GINM1: variants seen among roughly 807,000 people sequenced by gnomAD.
GINM1 encodes glycosylated integral membrane protein 1.
In GINM1, 29 loss-of-function variants were observed where a neutral mutation model predicts 37.8. That is an observed-to-expected ratio of 0.77 (90% CI 0.57 to 1.05). GINM1 has a LOEUF of 1.05. Among genes scored for constraint, GINM1 ranks in the 50% least tolerant of loss-of-function variants. The probability of loss-of-function intolerance (pLI) is 0.00; values close to 1 mark genes in which losing one functional copy is unlikely to be tolerated. For synonymous variants in GINM1, 143 were observed against 146.2 expected (o/e 0.98, Z 0.16); for missense variants, 377 against 397.9 (o/e 0.95, Z 0.45).
intron 7 of GINM1, among the ~76,000 whole-genome samples, chr6:149,585,452 G>GT (rs1429999987): frequency 1.3e-5 from 2 of 151,936 alleles, no homozygotes; most frequent in Non-Finnish European, 2.9e-5. Context: ...ATTGTTAATT[G>GT]TTCTACATTG....
intron 7 of GINM1, among the ~76,000 whole-genome samples, chr6:149,589,879 A>G (rs1259673117): frequency 6.6e-6 from 1 of 151,120 alleles, no homozygotes; most frequent in Non-Finnish European, 1.5e-5. Flanking sequence ...GCTCACTGCA[A>G]CCTCCACTTC....
chr6:149,573,507 C>G (rs1777861640), intron 3 of GINM1, among the ~76,000 whole-genome samples: 1 of 152,220 alleles, frequency 6.6e-6, no homozygotes, highest in Admixed American at 6.5e-5. Flanking sequence ...TTTATATTGG[C>G]TGCTTCTCGC....
intron 7 of GINM1, among the ~76,000 whole-genome samples, chr6:149,586,525 T>C (rs991937024): frequency 6.6e-6 from 1 of 152,180 alleles, no homozygotes; most frequent in Non-Finnish European, 1.5e-5. Flanking sequence ...TTGGAAAGAT[T>C]GACTTCATTG....
At position 149,572,362 on chromosome 6, in the gene GINM1, GT is replaced by G. The variant is rs1372897468; in HGVS notation, c.180+22del. 2 of 1,540,472 alleles carry G rather than the reference GT, an allele frequency of 1.3e-6. No homozygotes were observed. Among genetic ancestry groups the G allele is most frequent in the South Asian group, 1.2e-5 (1 of 85,318 alleles). ...AACAGCAGGTTTGTCTCCTTTTCTG[GT>G]TTTAATATATAATTTAGCTAAGTGC... On this transcript the variant is annotated intron_variant, in intron 2 of 7. Coordinates refer to ENST00000367419, the MANE Select transcript of GINM1 (RefSeq NM_138785.5).
intron 3 of GINM1, among the ~76,000 whole-genome samples, chr6:149,576,602 GA>G (rs150991023): frequency 3.3e-5 from 5 of 150,308 alleles, no homozygotes; most frequent in Non-Finnish European, 5.9e-5. Flanking sequence ...AACAAAAAAA[GA>G]AAAAAAAATC....
At position 149,566,528 on chromosome 6, in the gene GINM1, C is replaced by A; in HGVS notation, c.114C>A (p.Ala38=). The A allele has an allele frequency of 6.6e-7, 1 of 1,523,478 alleles. No individual in the cohort carries two copies. Among genetic ancestry groups the A allele is most frequent in the Non-Finnish European group, 8.7e-7 (1 of 1,142,976 alleles). The allele number at this position is 1,523,478 out of a possible 1,614,324, so 94.4% of individuals were successfully genotyped here. ...GAPEPPPLSG[A]PQDGIRINVT... is the part of the protein sequence containing the mutation. ...CCGAGCCGCCGCCGCTGTCCGGAGCCCCACAGGTAGGGCAGGGCGGGCCTG... is the reference window on the plus strand; with the variant it reads ...CCGAGCCGCCGCCGCTGTCCGGAGCACCACAGGTAGGGCAGGGCGGGCCTG... The change falls in exon 1 of 8, where the codon GCC becomes GCA. Residue 38 remains alanine (A), a synonymous_variant. Coordinates refer to ENST00000367419, the MANE Select transcript of GINM1 (RefSeq NM_138785.5). This position sits in a 1 kb window ranked among gnomAD's most constrained non-coding sequence, Gnocchi z 4.4.
At chr6:149,570,192 ATAT>A (rs1777796193) in intron 1 of GINM1, among the ~76,000 whole-genome samples, 2 of 93,550 alleles carry the variant, frequency 2.1e-5, no homozygotes, top group African/African-American at 3.9e-5. Context: ...ATATATATAT[ATAT>A]ATAAAGTTCA....
chr6:149,566,667 G>A lies in GINM1; in HGVS notation c.120+133G>A. The stretch of plus-strand genomic sequence containing the variant: ...GTCCGGGCCCCCGAAGGAGGTGTGG[G>A]GAGAAGCACCCCAGGAAATGGGGGC... On this transcript the variant is annotated intron_variant, in intron 1 of 7. Coordinates refer to ENST00000367419, the MANE Select transcript of GINM1 (RefSeq NM_138785.5). This position sits in a 1 kb window ranked among gnomAD's most constrained non-coding sequence, Gnocchi z 4.4. 1 of 1,225,952 alleles carries A rather than the reference G, an allele frequency of 8.2e-7. No individual in the cohort carries two copies. Among genetic ancestry groups the A allele is most frequent in the Non-Finnish European group, 1.1e-6 (1 of 936,458 alleles). The allele number at this position is 1,225,952 out of a possible 1,614,324, so 75.9% of individuals were successfully genotyped here.
intron 7 of GINM1, among the ~76,000 whole-genome samples, chr6:149,588,963 C>G (rs1017006640): frequency 1.3e-5 from 2 of 152,112 alleles, no homozygotes; most frequent in African/African-American, 4.8e-5. Context: ...CGCCACCATG[C>G]CTGGCCAATT....
At chr6:149,567,653 C>CA (rs568345945) in intron 1 of GINM1, among the ~76,000 whole-genome samples, 167 of 152,116 alleles carry the variant, frequency 1.1e-3, no homozygotes, top group African/African-American at 3.8e-3. Context: ...CAAACAAAAA[C>CA]AAAAAAACCA....
intron 7 of GINM1, among the ~76,000 whole-genome samples, chr6:149,585,944 A>G (rs1778064697): frequency 6.6e-6 from 1 of 152,206 alleles, no homozygotes; most frequent in Non-Finnish European, 1.5e-5. Flanking sequence ...GTGAGTGCCT[A>G]TAGAGCACTA....
intron 3 of GINM1, among the ~76,000 whole-genome samples, chr6:149,575,788 C>A (rs758962986): frequency 1.3e-5 from 2 of 152,292 alleles, no homozygotes; most frequent in East Asian, 1.9e-4. Flanking sequence ...AATAATAATT[C>A]TTTTGTTGTT....
In GINM1 at chr6:149,582,516, A is replaced by G; in HGVS notation, c.794A>G (p.Gln265Arg). 1 of 1,612,720 alleles carries G rather than the reference A, an allele frequency of 6.2e-7. No homozygotes were observed. The highest frequency in any genetic ancestry group is 1.3e-5 in the African/African-American group (1 of 74,996). Reference sequence around the variant, plus strand: ...AGCAACGTTTTCCCAGTATTCTTTCAGTTTTTGAACATCATGGTGGTTGGA... The same window carrying G: ...AGCAACGTTTTCCCAGTATTCTTTCGGTTTTTGAACATCATGGTGGTTGGA... ...FWSNVFPVFF[Q>R]FLNIMVVGIT... The change falls in exon 7 of 8, where the codon CAG becomes CGG. Residue 265 changes from glutamine to arginine, a missense_variant. Coordinates refer to ENST00000367419, the MANE Select transcript of GINM1 (RefSeq NM_138785.5).
chr6:149,578,883 G>GATTTT lies in GINM1; in HGVS notation c.341_345dup (p.Val116PhefsTer2). On this transcript the variant is annotated frameshift_variant, in exon 4 of 8. Transcript: ENST00000367419. LOFTEE classifies it high-confidence loss of function. ...AATATTTTGGAATTGTCAGTGTAAG[G>GATTTT]ATTTTAGTTCATGAGTGGCCTATGA... The GATTTT allele has an allele frequency of 6.2e-7, 1 of 1,600,630 alleles. No homozygotes were observed. The highest frequency in any genetic ancestry group is 8.6e-7 in the Non-Finnish European group (1 of 1,168,776).
intron 7 of GINM1, among the ~76,000 whole-genome samples, chr6:149,588,902 C>G (rs957921266): frequency 2.0e-5 from 3 of 152,100 alleles, no homozygotes; most frequent in Non-Finnish European, 4.4e-5. Context: ...CTCCTGGTTT[C>G]AAGCAATTCT....
At position 149,570,162 on chromosome 6, in the gene GINM1, AT is replaced by A. The variant is rs1777792888; in HGVS notation, c.121-2122del. On this transcript the variant is annotated intron_variant, in intron 1 of 7. Transcript: ENST00000367419. ...TATATATATATATATATATATATAT[AT>A]ATATATATATATATATATATATATA... Among the ~76,000 whole-genome samples, 8 of 72,348 alleles carry A rather than the reference AT, an allele frequency of 1.1e-4. No homozygotes were observed. The South Asian group carries it at 1.9e-3, about 17-fold the overall frequency. The allele number at this position is 72,348 out of a possible 152,430, so 47.5% of individuals were successfully genotyped here.
chr6:149,570,190 ATAT>A (rs1777795801), intron 1 of GINM1, among the ~76,000 whole-genome samples: 1 of 92,146 alleles, frequency 1.1e-5, no homozygotes, highest in Non-Finnish European at 2.2e-5. Flanking sequence ...ATATATATAT[ATAT>A]ATATAAAGTT....
chr6:149,580,098 T>C, intron 5 of GINM1, 108 bp downstream of exon 5: 1 of 715,790 alleles, frequency 1.4e-6, no homozygotes, highest in Middle Eastern at 2.7e-4. Context: ...CAAAAGTTGC[T>C]ATTTATCTTT....
intron 3 of GINM1, among the ~76,000 whole-genome samples, chr6:149,572,853 G>C (rs1416215054): frequency 6.6e-6 from 1 of 152,094 alleles, no homozygotes; most frequent in Non-Finnish European, 1.5e-5. Context: ...GTAGAGACAG[G>C]GTTTCGCCAT....
Sources: allele counts gnomAD v4.1 joint callset (sites outside exome capture counted in the v4.1 genomes callset), GRCh38; gene constraint gnomAD v4.1.1; non-coding constraint Gnocchi (gnomAD v3.1); transcripts MANE v1.5; gene names NCBI Gene and HGNC (gene_info 2026-07-23, HGNC 2026-07-21).